Variants in CDK19 observed in about 807,000 individuals in gnomAD.
CDK19 encodes cyclin dependent kinase 19.
Under a neutral mutation model 68.3 loss-of-function variants are expected in CDK19, and 20 were observed. The observed-to-expected ratio is 0.29, with a 90% CI of 0.21 to 0.43. The LOEUF is 0.43. Among genes scored for constraint, CDK19 ranks in the 20% least tolerant of loss-of-function variants. The pLI is 1.00. For synonymous variants in CDK19, 221 were observed against 222.8 expected, an observed-to-expected ratio of 0.99 and a Z score of 0.07; for missense variants, 339 against 623.5, an observed-to-expected ratio of 0.54 and a Z score of 4.86.
chr6:110,706,077 C>T (rs985824496), intron 2 of CDK19, among the ~76,000 whole-genome samples: 3 of 152,000 alleles, frequency 2.0e-5, no homozygotes, highest in Non-Finnish European at 2.9e-5. Flanking sequence ...GTTTTTGAGA[C>T]GGAGTCTTGC....
intron 12 of CDK19, among the ~76,000 whole-genome samples, chr6:110,616,949 A>G (rs146294270): frequency 9.2e-5 from 14 of 152,310 alleles, no homozygotes; most frequent in Non-Finnish European, 1.6e-4. Context: ...CGCTTTTCAA[A>G]GCGCTAATTG....
chr6:110,630,140 T>C (rs1028827645), intron 6 of CDK19, among the ~76,000 whole-genome samples: 1 of 152,218 alleles, frequency 6.6e-6, no homozygotes, highest in Admixed American at 6.5e-5. Context: ...ATGGACCCGC[T>C]GTGTTAGCTT....
chr6:110,805,850 C>T (rs150724577), intron 1 of CDK19, among the ~76,000 whole-genome samples: 10 of 152,134 alleles, frequency 6.6e-5, no homozygotes, highest in African/African-American at 1.7e-4. Context: ...CTATGTAAAA[C>T]TCAGAGACAT....
intron 5 of CDK19, among the ~76,000 whole-genome samples, chr6:110,636,106 C>T (rs1167810656): frequency 6.6e-6 from 1 of 152,056 alleles, no homozygotes; most frequent in Non-Finnish European, 1.5e-5. Flanking sequence ...CAGAATTTTG[C>T]TAAGGAGTAC....
At chr6:110,774,533 C>A (rs1445585870) in intron 1 of CDK19, among the ~76,000 whole-genome samples, 1 of 152,156 alleles carries the variant, frequency 6.6e-6, no homozygotes, top group Non-Finnish European at 1.5e-5. Context: ...AAAATGGGTA[C>A]AATTTGAAAC....
intron 6 of CDK19, among the ~76,000 whole-genome samples, chr6:110,627,949 C>G (rs1417576720): frequency 6.6e-6 from 1 of 152,098 alleles, no homozygotes; most frequent in African/African-American, 2.4e-5. Flanking sequence ...GTGGTTCATG[C>G]CTGTATTCCA....
intron 7 of CDK19, 39 bp from the exon 8 acceptor site, chr6:110,626,884 G>C (rs200374849): frequency 7.1e-7 from 1 of 1,399,690 alleles, no homozygotes; most frequent in East Asian, 2.4e-5. Context: ...AAAATAATGT[G>C]TTAATTTAAA....
At chr6:110,644,202 G>T (rs373049460) in intron 4 of CDK19, among the ~76,000 whole-genome samples, 1 of 151,552 alleles carries the variant, frequency 6.6e-6, no homozygotes, top group African/African-American at 2.4e-5. Context: ...TGAGGCAGGA[G>T]AATTGCTTTA....
chr6:110,755,660 A>G (rs1778787864), intron 1 of CDK19, among the ~76,000 whole-genome samples: 1 of 152,208 alleles, frequency 6.6e-6, no homozygotes, highest in Non-Finnish European at 1.5e-5. Context: ...CAGCTAGAAT[A>G]CAAGAGGTGA....
At chr6:110,756,740 C>T (rs1267683586) in intron 1 of CDK19, among the ~76,000 whole-genome samples, 3 of 151,974 alleles carry the variant, frequency 2.0e-5, no homozygotes, top group African/African-American at 7.3e-5. Flanking sequence ...AAAAGAACAG[C>T]TGAAGGTAAC....
intron 3 of CDK19, among the ~76,000 whole-genome samples, chr6:110,669,531 A>C (rs1387344675): frequency 6.6e-6 from 1 of 152,208 alleles, no homozygotes; most frequent in African/African-American, 2.4e-5. Flanking sequence ...CTATAATCTC[A>C]ACAGTTTGAG....
chr6:110,650,245 A>G (rs912141945), intron 4 of CDK19, among the ~76,000 whole-genome samples: 1 of 152,246 alleles, frequency 6.6e-6, no homozygotes, highest in Non-Finnish European at 1.5e-5. Context: ...TAAGTAGAAG[A>G]AAGTAATAGA....
chr6:110,615,204 G>A (rs138028547), intron 12 of CDK19, among the ~76,000 whole-genome samples: 2 of 152,140 alleles, frequency 1.3e-5, no homozygotes, highest in East Asian at 3.9e-4. Context: ...GGTGGGGTGC[G>A]GCAGCAACAT....
intron 2 of CDK19, among the ~76,000 whole-genome samples, chr6:110,742,512 A>G (rs6932798): frequency 0.99 from 150,312 of 152,232 alleles, 74,225 homozygotes; most frequent in Middle Eastern, 1. Context: ...CTGCGGGGTC[A>G]GGCAGAATAG....
chr6:110,715,762 C>T (rs1775338403), intron 2 of CDK19, among the ~76,000 whole-genome samples: 1 of 152,208 alleles, frequency 6.6e-6, no homozygotes, highest in African/African-American at 2.4e-5. Flanking sequence ...GCTGGGATTA[C>T]AGGCGTGAGC....
At chr6:110,667,902 TAAAA>T (rs1236748978) in intron 3 of CDK19, among the ~76,000 whole-genome samples, 2 of 152,064 alleles carry the variant, frequency 1.3e-5, no homozygotes, top group Non-Finnish European at 2.9e-5. Context: ...ATGAAAGATT[TAAAA>T]AAGAAAGAAA....
intron 2 of CDK19, among the ~76,000 whole-genome samples, chr6:110,721,098 G>A (rs991995829): frequency 6.6e-6 from 1 of 151,760 alleles, no homozygotes; most frequent in African/African-American, 2.4e-5. Flanking sequence ...AAATTAGCTG[G>A]TCGTGGTGAC....
chr6:110,690,325 T>C (rs539973624), intron 2 of CDK19, among the ~76,000 whole-genome samples: 29 of 150,504 alleles, frequency 1.9e-4, no homozygotes, highest in Admixed American at 1.4e-3. Context: ...ATCTGATAAA[T>C]AGCCAGACTA....
rs554961307 is a variant in CDK19 at position 110,776,972 on chromosome 6, C to T, written c.129-30771G>A. On this transcript the variant is annotated intron_variant, in intron 1 of 12. Transcript: ENST00000368911. ...AGACACAGGGAATTTAAGAAACTTG[C>T]CCAAAAGCAAGCAGCCAGAAGTGGC... Among the ~76,000 whole-genome samples, 5 of 152,244 alleles carry T rather than the reference C, an allele frequency of 3.3e-5. No homozygotes were observed. The East Asian group carries it at 9.6e-4, about 29-fold the overall frequency.
Sources: gnomAD v4.1 joint callset for allele counts (sites outside exome capture counted in the v4.1 genomes callset) on GRCh38, gnomAD v4.1.1 for gene constraint, MANE v1.5 for transcripts, NCBI Gene and HGNC (gene_info 2026-07-23, HGNC 2026-07-21) for gene names.